ANAPC1: variants seen among roughly 807,000 people sequenced by gnomAD.
The protein encoded by ANAPC1 is anaphase promoting complex subunit 1.
ANAPC1 carries 36 observed loss-of-function variants against 208.0 expected under a neutral mutation model. The observed-to-expected ratio is 0.17, with a 90% CI of 0.13 to 0.23. The LOEUF is 0.23. ANAPC1 is among the 10% of genes least tolerant of loss of function. The pLI, the probability that ANAPC1 is intolerant of heterozygous loss-of-function variation, is 1.00. For missense variants in ANAPC1, 942 were observed against 2,011.6 expected, an observed-to-expected ratio of 0.47 and a Z score of 10.17; for synonymous variants, 378 against 695.2, an observed-to-expected ratio of 0.54 and a Z score of 7.18.
chr2:111,849,948 A>T (rs766702429), intron 14 of ANAPC1, among the ~76,000 whole-genome samples: 7 of 151,930 alleles, frequency 4.6e-5, no homozygotes, highest in African/African-American at 1.4e-4. Flanking sequence ...GCACATTAGT[A>T]AGAGTGTAAA....
rs191631839 is a variant in ANAPC1 at position 111,872,577 on chromosome 2, C to T, written c.611+53G>A. The T allele has an allele frequency of 2.7e-5, 40 of 1,471,720 alleles. No homozygotes were observed. The African/African-American group carries it at 5.3e-4, about 20-fold the overall frequency. 91.2% of individuals were successfully genotyped at this position (1,471,720 alleles called of 1,614,324 possible). ...ACTTTTAGATAAACCTCAGAACCAA[C>T]ACAAACACACAAATCCCAAGCAGTA... On this transcript the variant is annotated intron_variant, in intron 6 of 47. Transcript: ENST00000341068.
At chr2:111,777,108 T>C (rs1677033443) in intron 45 of ANAPC1, 51 bp from the exon 46 acceptor site, 1 of 505,574 alleles carries the variant, frequency 2.0e-6, no homozygotes, top group Non-Finnish European at 3.6e-6. Flanking sequence ...GTGCTCTGTC[T>C]CTTCATCAGA....
chr2:111,848,833 G>C (rs1216154838), intron 14 of ANAPC1, among the ~76,000 whole-genome samples: 8 of 151,266 alleles, frequency 5.3e-5, no homozygotes, highest in Admixed American at 5.3e-4. Context: ...TAAGAGCCCA[G>C]GAAGAAAGGA....
At chr2:111,770,505 A>G (rs936385187) in intron 47 of ANAPC1, among the ~76,000 whole-genome samples, 2 of 148,590 alleles carry the variant, frequency 1.3e-5, no homozygotes, top group African/African-American at 5.1e-5. Context: ...CTGTCTCTTC[A>G]AATATTGCTT....
chr2:111,797,021 T>TTTTG (rs908315351), intron 34 of ANAPC1, among the ~76,000 whole-genome samples: 7 of 151,944 alleles, frequency 4.6e-5, no homozygotes, highest in South Asian at 4.2e-4. Context: ...TTTTGTGTTT[T>TTTTG]TTTGTTTGTT....
chr2:111,831,362 G>A lies in ANAPC1; in HGVS notation c.2549C>T (p.Ser850Phe). 9 of 1,611,810 alleles carry A rather than the reference G, an allele frequency of 5.6e-6. No homozygotes were observed. Among genetic ancestry groups the A allele is most frequent in the African/African-American group, 1.3e-5 (1 of 74,914 alleles). The change falls in exon 21 of 48, where the codon TCT becomes TTT. Residue 850 changes from serine to phenylalanine, a missense_variant. Coordinates refer to ENST00000341068, the MANE Select transcript of ANAPC1 (RefSeq NM_022662.4). ...TGGCATTCCTTCACCCTTCAGACAAGAACTCACCCACTGATAAATACTTGG... is the reference window on the plus strand; with the variant it reads ...TGGCATTCCTTCACCCTTCAGACAAAAACTCACCCACTGATAAATACTTGG... ...EPPSIYQWVS[S>F]CLKGEGMPPY... is the part of the protein sequence containing the mutation.
chr2:111,867,257 T>C (rs1682478243), intron 7 of ANAPC1, among the ~76,000 whole-genome samples: 1 of 151,830 alleles, frequency 6.6e-6, no homozygotes, highest in African/African-American at 2.4e-5. Flanking sequence ...ACCATTGTAT[T>C]CTGGCCTGGG....
At chr2:111,873,894 C>G (rs1682892878) in intron 3 of ANAPC1, among the ~76,000 whole-genome samples, 1 of 151,206 alleles carries the variant, frequency 6.6e-6, no homozygotes, top group African/African-American at 2.4e-5. Flanking sequence ...ATGAAAAGAT[C>G]CATAGGAATT....
chr2:111,863,138 A>G (rs1682170379), intron 9 of ANAPC1, among the ~76,000 whole-genome samples: 1 of 152,158 alleles, frequency 6.6e-6, no homozygotes, highest in South Asian at 2.1e-4. Flanking sequence ...GAGGCAACTA[A>G]CCTTAGGTCA....
At chr2:111,783,399 G>A (rs1443369752) in intron 42 of ANAPC1, among the ~76,000 whole-genome samples, 1 of 151,710 alleles carries the variant, frequency 6.6e-6, no homozygotes, top group Non-Finnish European at 1.5e-5. Context: ...GTTTAAAAGT[G>A]TTGCACCTCT....
intron 7 of ANAPC1, among the ~76,000 whole-genome samples, chr2:111,866,604 A>C (rs1245271193): frequency 6.7e-6 from 1 of 149,832 alleles, no homozygotes; most frequent in Non-Finnish European, 1.5e-5. Flanking sequence ...CACACCCCTA[A>C]TCCCAGCTAC....
At chr2:111,877,641 G>A (rs1333211261) in intron 3 of ANAPC1, among the ~76,000 whole-genome samples, 5 of 152,024 alleles carry the variant, frequency 3.3e-5, no homozygotes, top group Non-Finnish European at 7.4e-5. Context: ...AAAATTAGCC[G>A]GGTGTGGTGG....
chr2:111,826,571 G>A (rs11689852), intron 21 of ANAPC1, among the ~76,000 whole-genome samples: 10,504 of 152,180 alleles, frequency 0.069, 566 homozygotes, highest in South Asian at 0.21. Context: ...CCATTATACA[G>A]ACATACCAAA....
chr2:111,843,543 T>A lies in ANAPC1; in HGVS notation c.1909A>T (p.Met637Leu). 6.2e-7 allele frequency: 1 copy of A among 1,611,948 alleles called. No individual in the cohort carries two copies. Among genetic ancestry groups the A allele is most frequent in the Non-Finnish European group, 8.5e-7 (1 of 1,179,818 alleles). ...FILPKEIAVQ[M>L]LVKWYNVHSA... ...TGGACATTGTACCACTTGACAAGCA[T>A]CTGAACTGCTATTTCTTTTGGCAGG... is the stretch of plus-strand genomic sequence containing the variant. Residue 637 changes from methionine to leucine, a missense_variant, in exon 17 of 48, where the codon ATG becomes TTG. Physicochemically the swap from Met to Leu is conservative, Grantham distance 15. Coordinates refer to ENST00000341068, the MANE Select transcript of ANAPC1 (RefSeq NM_022662.4).
At position 111,792,522 on chromosome 2, in the gene ANAPC1, C is replaced by A. The variant is rs370295733; in HGVS notation, c.4552G>T (p.Val1518Leu). Residue 1518 changes from valine (V) to leucine (L), a missense_variant, in exon 38 of 48, where the codon GTG becomes TTG. Coordinates refer to ENST00000341068, the MANE Select transcript of ANAPC1 (RefSeq NM_022662.4). ...ACCATGGCGAGAGACAGCAGCACCA[C>A]GCTCAGACAAGTTTCTAGGTTATGA... ...GPHNLETCLS[V>L]VLLSLAMVMA... 3 of 1,613,806 alleles carry A rather than the reference C, an allele frequency of 1.9e-6. No individual in the cohort carries two copies. The highest frequency in any genetic ancestry group is 2.5e-6 in the Non-Finnish European group (3 of 1,179,858).
chr2:111,780,942 T>C (rs1475766217), intron 43 of ANAPC1, among the ~76,000 whole-genome samples: 11 of 146,808 alleles, frequency 7.5e-5, no homozygotes, highest in Admixed American at 6.7e-5. Context: ...TGTGCGTTAT[T>C]GTTGCAGGTA....
In ANAPC1 at chr2:111,767,665, G is replaced by GT. The variant is rs1319163496; in HGVS notation, c.*1625_*1626insA. On this transcript the variant is annotated 3_prime_UTR_variant, in exon 48 of 48. Coordinates refer to ENST00000341068, the MANE Select transcript of ANAPC1 (RefSeq NM_022662.4). ...TGTCTCTCCAGTCATTCTTTATTCA[G>GT]GAAAAGCACACAATCGTAAACAACG... The GT allele has an allele frequency of 9.9e-6, 1 of 101,208 alleles. No individual in the cohort carries two copies. Among genetic ancestry groups the GT allele is most frequent in the Non-Finnish European group, 2.1e-5 (1 of 48,300 alleles). 6.3% of individuals were successfully genotyped at this position (101,208 alleles called of 1,614,324 possible).
intron 47 of ANAPC1, among the ~76,000 whole-genome samples, chr2:111,771,976 G>C (rs1676764692): frequency 6.7e-6 from 1 of 148,366 alleles, no homozygotes; most frequent in African/African-American, 2.5e-5. Context: ...GTAAAGCTTT[G>C]TAATATTAGA....
chr2:111,793,030 T>A (rs1302727055), intron 37 of ANAPC1, among the ~76,000 whole-genome samples: 1 of 152,260 alleles, frequency 6.6e-6, no homozygotes, highest in Non-Finnish European at 1.5e-5. Flanking sequence ...ATTTCAAATA[T>A]TGAATATCAA....
Sources: allele counts gnomAD v4.1 joint callset (sites outside exome capture counted in the v4.1 genomes callset), GRCh38; gene constraint gnomAD v4.1.1; transcripts MANE v1.5; gene names NCBI Gene and HGNC (gene_info 2026-07-23, HGNC 2026-07-21).